The following TMEM47 variants were observed in gnomAD, a reference collection of about 807,000 sequenced individuals.
The protein encoded by TMEM47 is transmembrane protein 47.
TMEM47 carries 3 observed loss-of-function variants against 12.4 expected under a neutral mutation model. That is an observed-to-expected ratio of 0.24 (90% confidence interval 0.11 to 0.63). The LOEUF is 0.63. TMEM47 is among the 20% of genes least tolerant of loss of function. The probability of loss-of-function intolerance (pLI) is 0.86; values close to 1 mark genes in which losing one functional copy is unlikely to be tolerated. For synonymous variants in TMEM47, 62 were observed against 63.3 expected, an observed-to-expected ratio of 0.98 and a Z score of 0.10; for missense variants, 89 against 143.8, an observed-to-expected ratio of 0.62 and a Z score of 1.95.
At chrX:34,640,238 T>G (rs1189409627) in intron 1 of TMEM47, among the ~76,000 whole-genome samples, 1 of 112,046 alleles carries the variant, frequency 8.9e-6, no homozygotes, top group Non-Finnish European at 1.9e-5. Flanking sequence ...TCTGAATGGC[T>G]GCTCGGCCCC....
chrX:34,634,260 A>G (rs1266562954), intron 2 of TMEM47, among the ~76,000 whole-genome samples: 1 of 111,853 alleles, frequency 8.9e-6, no homozygotes, highest in African/African-American at 3.2e-5. Context: ...TGCCCCCTGC[A>G]CTTTTTTGAA....
rs753032254 is a variant in TMEM47, at chrX:34,656,383, G to A, written c.226+421C>T. Among the ~76,000 whole-genome samples the A allele has an allele frequency of 3.7e-5, 4 of 109,420 alleles. No individual in the cohort carries two copies. In the East Asian group the frequency reaches 1.2e-3, roughly 32 times the overall value. ...CTCGAGAGAGGAAGGAAAAAGAGTG[G>A]GGAAGACCGAACAGCGAACCCCCGC... On this transcript the variant is annotated intron_variant, in intron 1 of 2. Coordinates refer to ENST00000275954, the MANE Select transcript of TMEM47 (RefSeq NM_031442.4).
chrX:34,656,683 G>A (rs1377056647), intron 1 of TMEM47, 121 bp downstream of exon 1: 14 of 1,079,596 alleles, frequency 1.3e-5, no homozygotes, highest in East Asian at 3.4e-5. Context: ...GGGCCTGGAC[G>A]GGGTGGGACG....
At chrX:34,651,180 G>A (rs998895602) in intron 1 of TMEM47, among the ~76,000 whole-genome samples, 2 of 111,870 alleles carry the variant, frequency 1.8e-5, no homozygotes, top group African/African-American at 6.5e-5. Context: ...AATCCAAGCT[G>A]GCCATATGGC....
chrX:34,656,991 C>T lies in TMEM47; in HGVS notation c.39G>A (p.Val13=). The T allele has an allele frequency of 1.7e-6, 2 of 1,173,061 alleles. No homozygotes were observed. The highest frequency in any genetic ancestry group is 6.5e-5 in the East Asian group (2 of 30,959). ...SAGSGMEEVR[V]SVLTPLKLVG... ...CCAGCTTCAAGGGGGTCAGCACCGA[C>T]ACGCGCACCTCCTCCATGCCGCTGC... The change falls in exon 1 of 3, where the codon GTG becomes GTA. Residue 13 remains valine (V), a synonymous_variant. Coordinates refer to ENST00000275954, the MANE Select transcript of TMEM47 (RefSeq NM_031442.4).
At position 34,627,725 on chromosome X, in the gene TMEM47, ATATC is replaced by A. The variant is rs1443776658; in HGVS notation, c.*2584_*2587del. On this transcript the variant is annotated 3_prime_UTR_variant, in exon 3 of 3. Coordinates refer to ENST00000275954, the MANE Select transcript of TMEM47 (RefSeq NM_031442.4). The stretch of plus-strand genomic sequence containing the variant: ...TATAGATGTAGATCTATATCCATAG[ATATC>A]TATCTAACAATGGGTTTGTGGCTAA... 3 of 112,069 alleles carry A rather than the reference ATATC, an allele frequency of 2.7e-5. No homozygotes were observed. The highest frequency in any genetic ancestry group is 9.6e-5 in the Admixed American group (1 of 10,471). The allele number at this position is 112,069 out of a possible 1,213,427, so 9.2% of individuals were successfully genotyped here.
intron 2 of TMEM47, among the ~76,000 whole-genome samples, chrX:34,631,975 G>A (rs1921633908): frequency 9.0e-6 from 1 of 111,365 alleles, no homozygotes; most frequent in South Asian, 3.8e-4. Context: ...TATTTAACAG[G>A]GGTTGGCAAA....
intron 1 of TMEM47, among the ~76,000 whole-genome samples, chrX:34,643,121 G>A (rs1291973717): frequency 9.0e-6 from 1 of 111,093 alleles, no homozygotes; most frequent in Non-Finnish European, 1.9e-5. Flanking sequence ...CCTAAGAGGT[G>A]AACTAAAATC....
In TMEM47 at chrX:34,628,337, A is replaced by G. The variant is rs1482740320; in HGVS notation, c.*1976T>C. On this transcript the variant is annotated 3_prime_UTR_variant, in exon 3 of 3. Transcript: ENST00000275954. Reference sequence around the variant, plus strand: ...TACTATTTCTCAAAAAATTGCTTCAAAAGACTCTATAATACTATCTTTCTG... The same window carrying G: ...TACTATTTCTCAAAAAATTGCTTCAGAAGACTCTATAATACTATCTTTCTG... 8.9e-6 allele frequency: 1 copy of G among 111,813 alleles called. No individual in the cohort carries two copies. 9.2% of individuals were successfully genotyped at this position (111,813 alleles called of 1,213,427 possible).
intron 1 of TMEM47, among the ~76,000 whole-genome samples, chrX:34,648,833 T>C (rs1921962629): frequency 8.9e-6 from 1 of 111,924 alleles, no homozygotes; most frequent in South Asian, 3.7e-4. Flanking sequence ...CATAAAGAAC[T>C]TAAATGAATT....
rs1234503354 is a variant in TMEM47 at position 34,657,038 on chromosome X, G to A, written c.-9C>T. On this transcript the variant is annotated 5_prime_UTR_variant, in exon 1 of 3. Coordinates refer to ENST00000275954, the MANE Select transcript of TMEM47 (RefSeq NM_031442.4). The stretch of plus-strand genomic sequence containing the variant: ...CTGCCCGCCGAAGCCATTCCTGGGC[G>A]CCGCTGTCGTCCGCCCCGCCGCAGG... 2.6e-6 allele frequency: 3 copies of A among 1,134,865 alleles called. No individual in the cohort carries two copies. The highest frequency in any genetic ancestry group is 2.3e-6 in the Non-Finnish European group (2 of 855,720). 93.5% of individuals were successfully genotyped at this position (1,134,865 alleles called of 1,213,427 possible).
rs781200406 is a variant in TMEM47, at chrX:34,636,932, C to T, written c.367+2315G>A. Among the ~76,000 whole-genome samples, 23 of 111,853 alleles carry T rather than the reference C, an allele frequency of 2.1e-4. No individual in the cohort carries two copies. The South Asian group carries it at 8.2e-3, about 40-fold the overall frequency. On this transcript the variant is annotated intron_variant, in intron 2 of 2. Coordinates refer to ENST00000275954, the MANE Select transcript of TMEM47 (RefSeq NM_031442.4). ...TAAAGATAACTGGGGAATCCTCATT[C>T]GGGCTTTCAAGTCAGATAGGTATCC...
At chrX:34,639,084 G>A (rs1921768561) in intron 2 of TMEM47, among the ~76,000 whole-genome samples, 163 bp downstream of exon 2, 1 of 111,966 alleles carries the variant, frequency 8.9e-6, no homozygotes, top group Non-Finnish European at 1.9e-5. Flanking sequence ...ACTGAAAACT[G>A]ATAATCTGAT....
rs1922117664 is a variant in TMEM47, at chrX:34,656,788, C to G, written c.226+16G>C. On this transcript the variant is annotated intron_variant, in intron 1 of 2. Transcript: ENST00000275954. ...CCGGGGCGGGAGGCAGGGGTCGCGG[C>G]GCGCCAGGCCCTCACCGCTGCTGAG... 8.6e-7 allele frequency: 1 copy of G among 1,158,526 alleles called. No individual in the cohort carries two copies. The highest frequency in any genetic ancestry group is 2.6e-5 in the Admixed American group (1 of 38,369).
chrX:34,640,968 T>A (rs1235421273), intron 1 of TMEM47, among the ~76,000 whole-genome samples: 3 of 111,316 alleles, frequency 2.7e-5, no homozygotes, highest in African/African-American at 9.8e-5. Flanking sequence ...ATCTTCTTAA[T>A]GCCATCTATT....
At chrX:34,636,091 C>T (rs1256093243) in intron 2 of TMEM47, among the ~76,000 whole-genome samples, 3 of 111,943 alleles carry the variant, frequency 2.7e-5, no homozygotes, top group South Asian at 3.7e-4. Context: ...AGTTTGATAA[C>T]GGTACAGGGA....
chrX:34,636,016 C>T (rs1171663557), intron 2 of TMEM47, among the ~76,000 whole-genome samples: 8 of 112,040 alleles, frequency 7.1e-5, no homozygotes, highest in Non-Finnish European at 1.3e-4. Context: ...TTTGTAACTA[C>T]TAGTGGCAGC....
chrX:34,645,177 C>T (rs7891937), intron 1 of TMEM47, among the ~76,000 whole-genome samples: 2,232 of 111,318 alleles, frequency 0.02, 46 homozygotes, highest in African/African-American at 0.063. Context: ...CCCATTCTAT[C>T]ATCAGGAACC....
rs1286347558 is a variant in TMEM47 at position 34,657,226 on chromosome X, G to C, written c.-197C>G. On this transcript the variant is annotated 5_prime_UTR_variant, in exon 1 of 3. Transcript: ENST00000275954. ...GCGGCCGGCCGGGTGTGGGTCGTCGGCAGCCGCAGCGACGTCGATTCCACC... is the reference window on the plus strand; with the variant it reads ...GCGGCCGGCCGGGTGTGGGTCGTCGCCAGCCGCAGCGACGTCGATTCCACC... The C allele has an allele frequency of 1.8e-6, 1 of 566,674 alleles. No homozygotes were observed. The highest frequency in any genetic ancestry group is 2.4e-5 in the African/African-American group (1 of 41,458). 46.7% of individuals were successfully genotyped at this position (566,674 alleles called of 1,213,427 possible). A position where few individuals can be genotyped will look rare whatever the true frequency, so the allele number is the denominator to read the frequency against.
Sources: allele counts gnomAD v4.1 joint callset (sites outside exome capture counted in the v4.1 genomes callset), GRCh38; gene constraint gnomAD v4.1.1; transcripts MANE v1.5; gene names NCBI Gene and HGNC (gene_info 2026-07-23, HGNC 2026-07-21).